The following DGLUCY variants were observed in gnomAD, a reference collection of about 807,000 sequenced individuals.
DGLUCY encodes D-glutamate cyclase, mitochondrial.
Under a neutral mutation model 58.5 loss-of-function variants are expected in DGLUCY, and 58 were observed. The observed-to-expected ratio is 0.99, with a 90% CI of 0.80 to 1.23. DGLUCY has a LOEUF of 1.23. Among genes scored for constraint, DGLUCY ranks in the 50% most tolerant of loss-of-function variants. DGLUCY has a pLI of 0.00. For missense variants in DGLUCY, 779 were observed against 784.7 expected (o/e 0.99, Z 0.09); for synonymous variants, 325 against 314.1 (o/e 1.03, Z -0.37).
chr14:91,157,651 A>G lies in DGLUCY; in HGVS notation c.-69A>G, dbSNP rs1421196230. On this transcript the variant is annotated 5_prime_UTR_variant, in exon 2 of 14. Coordinates refer to ENST00000256324, the MANE Select transcript of DGLUCY (RefSeq NM_001102368.3). ...TTTGACTTTGCAGGAGCCAAGTTACACCCTGTTTAACCCTGCCTTCAAAGG... is the reference window on the plus strand; with the variant it reads ...TTTGACTTTGCAGGAGCCAAGTTACGCCCTGTTTAACCCTGCCTTCAAAGG... 1 of 151,848 alleles carries G rather than the reference A, an allele frequency of 6.6e-6. No homozygotes were observed. Among genetic ancestry groups the G allele is most frequent in the Non-Finnish European group, 1.5e-5 (1 of 67,978 alleles). The allele number at this position is 151,848 out of a possible 1,614,324, so 9.4% of individuals were successfully genotyped here. A position where few individuals can be genotyped will look rare whatever the true frequency, so the allele number is the denominator to read the frequency against.
chr14:91,100,550 C>T lies in DGLUCY; in HGVS notation c.-82+39846C>T, dbSNP rs118125500. On this transcript the variant is annotated intron_variant, in intron 1 of 4. Coordinates refer to the DGLUCY transcript ENST00000521334. ...TGTACCATACTCTGATTCCATTTTA[C>T]AGGTGAGCATTGACATCACTTGCTC... Among the ~76,000 whole-genome samples, 925 of 152,304 alleles carry T rather than the reference C, an allele frequency of 6.1e-3. 3 individuals are homozygous for T. The highest frequency in any genetic ancestry group is 0.01 in the Middle Eastern group (3 of 294).
chr14:91,167,814 C>A (rs2048368632), intron 4 of DGLUCY: 2 of 622,276 alleles, frequency 3.2e-6, no homozygotes, highest in Non-Finnish European at 5.7e-6. Flanking sequence ...GTCGGTGTAC[C>A]TCTCCCACGA....
chr14:91,158,303 C>T (rs2047777731), intron 2 of DGLUCY, among the ~76,000 whole-genome samples: 1 of 152,144 alleles, frequency 6.6e-6, no homozygotes, highest in Admixed American at 6.5e-5. Context: ...TCCTACCTCA[C>T]CTGACTCCTC....
At chr14:91,204,609 C>T (rs1429981558) in intron 11 of DGLUCY, 97 bp from the exon 12 acceptor site, 2 of 1,497,560 alleles carry the variant, frequency 1.3e-6, no homozygotes, top group East Asian at 2.4e-5. Context: ...CCTTTTTGCC[C>T]TCCCAAAGGC....
At chr14:91,174,994 T>G (rs2048778832) in intron 6 of DGLUCY, among the ~76,000 whole-genome samples, 1 of 151,630 alleles carries the variant, frequency 6.6e-6, no homozygotes, top group South Asian at 2.1e-4. Flanking sequence ...TAGAGTTTTT[T>G]TCTCTACACG....
In DGLUCY at chr14:91,063,390, C is replaced by T. The variant is rs142055222; in HGVS notation, c.-82+2686C>T. On this transcript the variant is annotated intron_variant, in intron 1 of 4. Transcript: ENST00000521334. The stretch of plus-strand genomic sequence containing the variant: ...GACCAGAAAACTCCTTGCATAATCA[C>T]TCACACTCTTCTCTTTCAACTGCTG... Among the ~76,000 whole-genome samples, 1,240 of 152,160 alleles carry T rather than the reference C, an allele frequency of 8.1e-3. 10 individuals are homozygous for T. Among genetic ancestry groups the T allele is most frequent in the Middle Eastern group, 0.014 (4 of 294 alleles).
intron 12 of DGLUCY, among the ~76,000 whole-genome samples, chr14:91,209,025 A>G (rs1885230620): frequency 6.6e-6 from 1 of 152,182 alleles, no homozygotes; most frequent in Non-Finnish European, 1.5e-5. Flanking sequence ...GTAGAAGACA[A>G]AAATGGGGCC....
chr14:91,189,180 G>A lies in DGLUCY; in HGVS notation c.1195+10G>A. 1 of 1,613,744 alleles carries A rather than the reference G, an allele frequency of 6.2e-7. No homozygotes were observed. On this transcript the variant is annotated intron_variant, in intron 9 of 13. Transcript: ENST00000256324. ...GATGCTGTTGAGCAAGGTAAGCAGT[G>A]AGATGGGCTTGGTCCATTTCCCCAA...
At chr14:91,067,454 T>C (rs1160965742) in intron 1 of DGLUCY, among the ~76,000 whole-genome samples, 1 of 152,232 alleles carries the variant, frequency 6.6e-6, no homozygotes, top group Non-Finnish European at 1.5e-5. Flanking sequence ...CACATCATAC[T>C]TTCCTTTAAC....
intron 1 of DGLUCY, among the ~76,000 whole-genome samples, chr14:91,116,576 G>A (rs1178160932): frequency 1.3e-5 from 2 of 152,164 alleles, no homozygotes; most frequent in Admixed American, 1.3e-4. Flanking sequence ...CCCCGAGAGT[G>A]TTCTTGGACC....
intron 1 of DGLUCY, among the ~76,000 whole-genome samples, chr14:91,061,036 T>C (rs1341495412): frequency 6.6e-6 from 1 of 152,146 alleles, no homozygotes; most frequent in Non-Finnish European, 1.5e-5. Context: ...GCTCGGGGTC[T>C]CTGATTGGCT....
intron 10 of DGLUCY, among the ~76,000 whole-genome samples, chr14:91,198,904 C>T (rs2050382947): frequency 6.6e-6 from 1 of 152,196 alleles, no homozygotes; most frequent in Non-Finnish European, 1.5e-5. Context: ...GACCTGGAAT[C>T]AGAACCCAGA....
intron 1 of DGLUCY, among the ~76,000 whole-genome samples, chr14:91,087,954 A>G (rs1459684163): frequency 6.6e-6 from 1 of 152,214 alleles, no homozygotes; most frequent in Non-Finnish European, 1.5e-5. Context: ...GCCAGCTACA[A>G]TGAGACAGCC....
chr14:91,181,317 C>T lies in DGLUCY; in HGVS notation c.862C>T (p.His288Tyr), dbSNP rs2049153994. ...CCATCACATTTCCCAAGATCCTCTG[C>T]ACTACAGCATCGCGTCAGTCTCTGC... ...EVHHISQDPLHYSIASVSASQ... is the reference protein window; with the variant it reads ...EVHHISQDPLYYSIASVSASQ... The change falls in exon 8 of 14, where the codon CAC becomes TAC. Residue 288 changes from histidine to tyrosine, a missense_variant. His to Tyr is a moderately conservative substitution (Grantham distance 83, BLOSUM62 2). Transcript: ENST00000256324. 1.2e-6 allele frequency: 2 copies of T among 1,614,198 alleles called. No homozygotes were observed. Among genetic ancestry groups the T allele is most frequent in the Non-Finnish European group, 1.7e-6 (2 of 1,180,034 alleles).
chr14:91,174,981 A>G (rs1434699133), intron 6 of DGLUCY, among the ~76,000 whole-genome samples: 2 of 152,114 alleles, frequency 1.3e-5, no homozygotes, highest in Non-Finnish European at 2.9e-5. Flanking sequence ...CACACCATTT[A>G]GGTAGAGTTT....
chr14:91,223,591 C>T (rs778140972), intron 13 of DGLUCY: 1 of 1,104,574 alleles, frequency 9.1e-7, no homozygotes, highest in South Asian at 1.3e-5. Flanking sequence ...ACATTAGTGG[C>T]TTGGGCAAGT....
At chr14:91,095,853 C>T (rs1401978408) in intron 1 of DGLUCY, among the ~76,000 whole-genome samples, 2 of 152,006 alleles carry the variant, frequency 1.3e-5, no homozygotes, top group African/African-American at 4.8e-5. Flanking sequence ...TCATCTAGAC[C>T]ATCACTGCCT....
intron 11 of DGLUCY, 87 bp downstream of exon 11, chr14:91,199,992 T>C: frequency 6.5e-7 from 1 of 1,544,338 alleles, no homozygotes; most frequent in Non-Finnish European, 8.9e-7. Context: ...TCTTGCTCTG[T>C]CACCCAGGCT....
chr14:91,154,489 G>A (rs542020651), intron 1 of DGLUCY, among the ~76,000 whole-genome samples: 1 of 152,024 alleles, frequency 6.6e-6, no homozygotes, highest in African/African-American at 2.4e-5. Context: ...ACATTGCCAG[G>A]GTGAAATTCA....
Sources: gnomAD v4.1 joint callset for allele counts (sites outside exome capture counted in the v4.1 genomes callset) on GRCh38, gnomAD v4.1.1 for gene constraint, MANE v1.5 for transcripts, NCBI Gene and HGNC (gene_info 2026-07-23, HGNC 2026-07-21) for gene names.